CDC73: variants seen among roughly 807,000 people sequenced by gnomAD.
CDC73 encodes the protein cell division cycle 73, also known as parafibromin.
Under a neutral mutation model 83.7 loss-of-function variants are expected in CDC73, and 21 were observed. That is an observed-to-expected ratio of 0.25 (90% CI 0.18 to 0.36). CDC73 has a LOEUF of 0.36. Ranked by LOEUF, CDC73 falls within the 10% of genes least tolerant of loss-of-function variation. CDC73 has a pLI of 1.00. For synonymous variants in CDC73, 224 were observed against 212.9 expected (o/e 1.05, Z -0.45); for missense variants, 342 against 653.3 (o/e 0.52, Z 5.19).
intron 10 of CDC73, among the ~76,000 whole-genome samples, chr1:193,174,392 T>C (rs1676569374): frequency 6.6e-6 from 1 of 152,192 alleles, no homozygotes; most frequent in Admixed American, 6.5e-5. Context: ...AGGTAGAAAC[T>C]ATGTCTTTCT....
At chr1:193,128,780 A>T (rs1183040077) in intron 2 of CDC73, among the ~76,000 whole-genome samples, 2 of 152,186 alleles carry the variant, frequency 1.3e-5, no homozygotes, top group Non-Finnish European at 2.9e-5. Flanking sequence ...GGTGCAGTAA[A>T]TTATAATAAG....
intron 15 of CDC73, 126 bp from the exon 16 acceptor site, chr1:193,249,604 T>G: frequency 1.3e-6 from 1 of 750,896 alleles, no homozygotes; most frequent in Non-Finnish European, 2.2e-6. Flanking sequence ...CCCTGAATGT[T>G]TTTAAAGATA....
chr1:193,169,943 C>A (rs979803848), intron 10 of CDC73, among the ~76,000 whole-genome samples: 3 of 152,150 alleles, frequency 2.0e-5, no homozygotes, highest in African/African-American at 7.2e-5. Flanking sequence ...CTGATCCTCT[C>A]TCTCTGCTCT....
chr1:193,177,478 C>T (rs1372114505), intron 10 of CDC73, among the ~76,000 whole-genome samples: 15 of 147,818 alleles, frequency 1.0e-4, no homozygotes, highest in Admixed American at 3.4e-4. Context: ...TGCAGTGAGC[C>T]GAGATCGGGC....
chr1:193,204,674 T>C (rs1677156929), intron 11 of CDC73, among the ~76,000 whole-genome samples: 1 of 152,186 alleles, frequency 6.6e-6, no homozygotes, highest in Admixed American at 6.5e-5. Context: ...TTTTCAATAA[T>C]GGATTTATAC....
rs1159187882 is a variant in CDC73 at position 193,161,629 on chromosome 1, TATATA to T, written c.972+9191_972+9195del. On this transcript the variant is annotated intron_variant, in intron 10 of 16. Coordinates refer to ENST00000367435, the MANE Select transcript of CDC73 (RefSeq NM_024529.5). Reference sequence around the variant, plus strand: ...TAGATAATATATATTATATGATAGATATATAATATATTATATAATATATAATATAT... The same window carrying T: ...TAGATAATATATATTATATGATAGATATATATTATATAATATATAATATAT... 1.9e-4 allele frequency among the ~76,000 whole-genome samples: 8 copies of T among 42,914 alleles called. 3 individuals are homozygous for T. The highest frequency in any genetic ancestry group is 2.0e-3 in the South Asian group (2 of 1,014). The allele number at this position is 42,914 out of a possible 152,430, so 28.2% of individuals were successfully genotyped here. A position where few individuals can be genotyped will look rare whatever the true frequency, so the allele number is the denominator to read the frequency against.
intron 11 of CDC73, among the ~76,000 whole-genome samples, chr1:193,207,727 G>C (rs1677212698): frequency 6.6e-6 from 1 of 152,038 alleles, no homozygotes; most frequent in Non-Finnish European, 1.5e-5. Flanking sequence ...TCTTTTTCAA[G>C]GTGCACTGAT....
intron 13 of CDC73, 76 bp downstream of exon 13, chr1:193,212,553 T>TTC: frequency 1.0e-6 from 1 of 993,554 alleles, no homozygotes; most frequent in Non-Finnish European, 1.5e-6. Flanking sequence ...TGAATCAGTA[T>TTC]TACTTATTTG....
At chr1:193,202,810 C>G (rs953009980) in intron 10 of CDC73, among the ~76,000 whole-genome samples, 1 of 151,754 alleles carries the variant, frequency 6.6e-6, no homozygotes, top group Non-Finnish European at 1.5e-5. Context: ...ATGGGATAGC[C>G]TGCTATTTCA....
chr1:193,242,745 T>C (rs1035174265), intron 15 of CDC73, among the ~76,000 whole-genome samples: 1 of 152,188 alleles, frequency 6.6e-6, no homozygotes, highest in Admixed American at 6.5e-5. Flanking sequence ...TCATTTGTCA[T>C]GCGATCAGTA....
At position 193,250,363 on chromosome 1, in the gene CDC73, A is replaced by G. The variant is rs143565572; in HGVS notation, c.1560-313A>G. On this transcript the variant is annotated intron_variant, in intron 16 of 16. Transcript: ENST00000367435. Reference sequence around the variant, plus strand: ...ATCGGCAAATTTAAGAACAGCCTATAATCACAGTAAATACCACTGAATCGG... The same window carrying G: ...ATCGGCAAATTTAAGAACAGCCTATGATCACAGTAAATACCACTGAATCGG... 0.013 allele frequency among the ~76,000 whole-genome samples: 1,933 copies of G among 152,014 alleles called. 20 individuals carry two copies. The highest frequency in any genetic ancestry group is 0.034 in the South Asian group (165 of 4,830).
At chr1:193,233,584 T>C (rs955788619) in intron 14 of CDC73, among the ~76,000 whole-genome samples, 2 of 152,212 alleles carry the variant, frequency 1.3e-5, no homozygotes, top group African/African-American at 4.8e-5. Flanking sequence ...AGAAGAAACA[T>C]TCCAACTTCT....
In CDC73 at chr1:193,179,947, T is replaced by C. The variant is rs1040699511; in HGVS notation, c.973-23848T>C. On this transcript the variant is annotated intron_variant, in intron 10 of 16. Transcript: ENST00000367435. ...GCTTAATCTAAAATGAAGGATCTTT[T>C]GACTGTCATTTCTTGAATTAAAATT... is the stretch of plus-strand genomic sequence containing the variant. The C allele has an allele frequency of 1.9e-5, 3 of 162,132 alleles. No individual in the cohort carries two copies. The Admixed American group carries it at 1.9e-4, about 10-fold the overall frequency. The allele number at this position is 162,132 out of a possible 1,614,324, so 10.0% of individuals were successfully genotyped here. A position where few individuals can be genotyped will look rare whatever the true frequency, so the allele number is the denominator to read the frequency against.
chr1:193,194,886 G>C (rs189545697), intron 10 of CDC73, among the ~76,000 whole-genome samples: 247 of 152,078 alleles, frequency 1.6e-3, no homozygotes, highest in African/African-American at 5.7e-3. Context: ...AATAGAATCT[G>C]TTTCTATATC....
At chr1:193,129,606 G>A (rs1420866726) in intron 2 of CDC73, among the ~76,000 whole-genome samples, 1 of 151,652 alleles carries the variant, frequency 6.6e-6, no homozygotes, top group East Asian at 1.9e-4. Flanking sequence ...TCCGCCTCCT[G>A]GGTTCCAGTG....
intron 13 of CDC73, among the ~76,000 whole-genome samples, chr1:193,230,421 A>T (rs1421108229): frequency 6.8e-6 from 1 of 147,732 alleles, no homozygotes; most frequent in African/African-American, 2.5e-5. Flanking sequence ...TGCTGGGATT[A>T]CAGGCATAAG....
At chr1:193,164,610 G>A (rs763046124) in intron 10 of CDC73, among the ~76,000 whole-genome samples, 1 of 151,980 alleles carries the variant, frequency 6.6e-6, no homozygotes, top group Non-Finnish European at 1.5e-5. Context: ...CAAATGTTTA[G>A]TGGTATTAAA....
chr1:193,135,730 A>T, intron 5 of CDC73, 141 bp downstream of exon 5: 1 of 664,232 alleles, frequency 1.5e-6, no homozygotes, highest in South Asian at 1.8e-5. Context: ...ACAATTGATT[A>T]ATAAGTAGCT....
intron 12 of CDC73, 72 bp from the exon 13 acceptor site, chr1:193,212,318 T>C (rs1247315538): frequency 3.0e-6 from 3 of 1,016,358 alleles, no homozygotes; most frequent in Non-Finnish European, 4.4e-6. Flanking sequence ...TTATAATCTT[T>C]TAACTTTTAG....
Sources: allele counts gnomAD v4.1 joint callset (sites outside exome capture counted in the v4.1 genomes callset), GRCh38; gene constraint gnomAD v4.1.1; transcripts MANE v1.5; gene names NCBI Gene and HGNC (gene_info 2026-07-23, HGNC 2026-07-21).